Variants in HS6ST3 observed in about 807,000 individuals in gnomAD.
HS6ST3 encodes the protein heparan-sulfate 6-O-sulfotransferase 3.
In HS6ST3, 12 loss-of-function variants were observed where a neutral mutation model predicts 36.7. The ratio of observed to expected loss-of-function variants is 0.33; its 90% confidence interval spans 0.21 to 0.53. The LOEUF (loss-of-function observed/expected upper bound fraction) is 0.53, where lower values mean the gene tolerates loss of function less well. HS6ST3 is among the 20% of genes least tolerant of loss of function. The pLI is 0.95. For synonymous variants in HS6ST3, 240 were observed against 257.5 expected (o/e 0.93, Z 0.65); for missense variants, 584 against 640.9 (o/e 0.91, Z 0.96).
intron 1 of HS6ST3, among the ~76,000 whole-genome samples, chr13:96,523,395 A>G (rs1276833413): frequency 3.3e-5 from 5 of 152,008 alleles, no homozygotes; most frequent in African/African-American, 1.2e-4. Context: ...TATTTCCCGA[A>G]TTTGAATGTT....
intron 1 of HS6ST3, among the ~76,000 whole-genome samples, chr13:96,790,920 C>G (rs527709386): frequency 6.6e-6 from 1 of 152,002 alleles, no homozygotes; most frequent in Non-Finnish European, 1.5e-5. Flanking sequence ...GATGTACCAC[C>G]TCCTATATGT....
At chr13:96,779,995 C>A (rs1877485451) in intron 1 of HS6ST3, among the ~76,000 whole-genome samples, 1 of 151,930 alleles carries the variant, frequency 6.6e-6, no homozygotes, top group South Asian at 2.1e-4. Flanking sequence ...GTGAGTAGAG[C>A]AAAGAACTAG....
At chr13:96,662,637 G>A (rs907503886) in intron 1 of HS6ST3, among the ~76,000 whole-genome samples, 2 of 151,902 alleles carry the variant, frequency 1.3e-5, no homozygotes, top group African/African-American at 2.4e-5. Context: ...TCTCATTTCA[G>A]TTAGGATCCA....
At chr13:96,660,881 G>A (rs983951693) in intron 1 of HS6ST3, among the ~76,000 whole-genome samples, 27 of 152,148 alleles carry the variant, frequency 1.8e-4, no homozygotes, top group African/African-American at 6.5e-4. Flanking sequence ...CACCCACAAG[G>A]TGGCTGCCAG....
chr13:96,411,645 GAC>G (rs2055507963), intron 1 of HS6ST3, among the ~76,000 whole-genome samples: 2 of 152,170 alleles, frequency 1.3e-5, no homozygotes, highest in Non-Finnish European at 2.9e-5. Context: ...GTTTTAGAAA[GAC>G]CATTCATTAT....
Position 96,167,503 on chromosome 13 carries a change from C to T in HS6ST3, c.707+75934C>T, listed in dbSNP as rs1010357498. On this transcript the variant is annotated intron_variant, in intron 1 of 1. Coordinates refer to ENST00000376705, the MANE Select transcript of HS6ST3 (RefSeq NM_153456.4). Reference sequence around the variant, plus strand: ...CATCGCCCAAGAATCTCCCATGCAACTCATCTGCTCTAAGTCAAACAGGGC... The same window carrying T: ...CATCGCCCAAGAATCTCCCATGCAATTCATCTGCTCTAAGTCAAACAGGGC... Among the ~76,000 whole-genome samples, 3 of 152,202 alleles carry T rather than the reference C, an allele frequency of 2.0e-5. No individual in the cohort carries two copies. In the East Asian group the frequency reaches 5.8e-4, roughly 29 times the overall value.
chr13:96,597,581 A>G (rs960086003), intron 1 of HS6ST3, among the ~76,000 whole-genome samples: 3 of 151,330 alleles, frequency 2.0e-5, no homozygotes, highest in Non-Finnish European at 4.4e-5. Flanking sequence ...GATTCTGGAT[A>G]TTATTTCTTT....
intron 1 of HS6ST3, among the ~76,000 whole-genome samples, chr13:96,475,959 C>G (rs1466995763): frequency 6.6e-6 from 1 of 152,204 alleles, no homozygotes; most frequent in East Asian, 1.9e-4. Context: ...GAAAAACCAT[C>G]CTGATCCCTC....
Position 96,189,644 on chromosome 13 carries a change from CA to C in HS6ST3, c.707+98076del, listed in dbSNP as rs141035714. 3.8e-3 allele frequency among the ~76,000 whole-genome samples: 573 copies of C among 152,244 alleles called. 6 individuals are homozygous for C. Among genetic ancestry groups the C allele is most frequent in the African/African-American group, 0.013 (545 of 41,524 alleles). On this transcript the variant is annotated intron_variant, in intron 1 of 1. Transcript: ENST00000376705. ...ACTGTCAAATCCCAGTGGCTTACAC[CA>C]GAGAAAAATTGCTTCTTGCTCATGT...
At chr13:96,726,160 T>A (rs1470555920) in intron 1 of HS6ST3, among the ~76,000 whole-genome samples, 1 of 152,208 alleles carries the variant, frequency 6.6e-6, no homozygotes, top group East Asian at 1.9e-4. Flanking sequence ...AATTCAGATA[T>A]ATTAATCTGT....
rs142596755 is a variant in HS6ST3 at position 96,611,875 on chromosome 13, A to G, written c.708-220615A>G. ...GAACAGAACATCCAGGGAACTGGACAAAGTAAGCAGGGGTCATCGAGTGTT... is the reference window on the plus strand; with the variant it reads ...GAACAGAACATCCAGGGAACTGGACGAAGTAAGCAGGGGTCATCGAGTGTT... On this transcript the variant is annotated intron_variant, in intron 1 of 1. Coordinates refer to ENST00000376705, the MANE Select transcript of HS6ST3 (RefSeq NM_153456.4). Among the ~76,000 whole-genome samples, 847 of 152,308 alleles carry G rather than the reference A, an allele frequency of 5.6e-3. 3 individuals carry two copies. The highest frequency in any genetic ancestry group is 9.6e-3 in the Non-Finnish European group (652 of 68,030).
intron 1 of HS6ST3, among the ~76,000 whole-genome samples, chr13:96,768,827 C>A (rs1442890506): frequency 6.6e-6 from 1 of 151,890 alleles, no homozygotes; most frequent in Non-Finnish European, 1.5e-5. Context: ...ATCTAGGTGG[C>A]CCCTTGAGTC....
rs185974349 is a variant in HS6ST3 at position 96,135,975 on chromosome 13, G to A, written c.707+44406G>A. On this transcript the variant is annotated intron_variant, in intron 1 of 1. Coordinates refer to ENST00000376705, the MANE Select transcript of HS6ST3 (RefSeq NM_153456.4). ...TCCCCTGTGCAGCCTGCATTCCACCGGTGGGCTCAGATATTTCTCATAGAT... is the reference window on the plus strand; with the variant it reads ...TCCCCTGTGCAGCCTGCATTCCACCAGTGGGCTCAGATATTTCTCATAGAT... Among the ~76,000 whole-genome samples the A allele has an allele frequency of 2.2e-3, 329 of 152,208 alleles. 4 individuals are homozygous for A. Among genetic ancestry groups the A allele is most frequent in the Non-Finnish European group, 7.2e-4 (49 of 68,026 alleles).
intron 1 of HS6ST3, among the ~76,000 whole-genome samples, chr13:96,223,665 A>G (rs934626607): frequency 5.9e-5 from 9 of 151,324 alleles, no homozygotes; most frequent in Admixed American, 2.6e-4. Context: ...GGGGGGGGGA[A>G]GTTTTTGTCG....
chr13:96,469,200 C>A (rs1024748256), intron 1 of HS6ST3, among the ~76,000 whole-genome samples: 4 of 152,030 alleles, frequency 2.6e-5, no homozygotes, highest in African/African-American at 9.7e-5. Context: ...ATGCAGATTT[C>A]TTTGAAAATG....
At chr13:96,632,226 G>A (rs1048215946) in intron 1 of HS6ST3, among the ~76,000 whole-genome samples, 4 of 152,088 alleles carry the variant, frequency 2.6e-5, no homozygotes, top group Admixed American at 6.5e-5. Flanking sequence ...TGAGGATGCA[G>A]CAAGAAGGAC....
chr13:96,646,340 A>T (rs1430824308), intron 1 of HS6ST3, among the ~76,000 whole-genome samples: 1 of 151,982 alleles, frequency 6.6e-6, no homozygotes, highest in East Asian at 1.9e-4. Flanking sequence ...TGATGCTTCT[A>T]TAATTTTTGC....
chr13:96,289,884 GAA>G (rs1247900323), intron 1 of HS6ST3, among the ~76,000 whole-genome samples: 1 of 152,086 alleles, frequency 6.6e-6, no homozygotes, highest in Non-Finnish European at 1.5e-5. Flanking sequence ...GAGGATTAAA[GAA>G]AGAGAAGCAA....
Position 96,734,027 on chromosome 13 carries a change from A to G in HS6ST3, c.708-98463A>G, listed in dbSNP as rs1457322107. On this transcript the variant is annotated intron_variant, in intron 1 of 1. Coordinates refer to ENST00000376705, the MANE Select transcript of HS6ST3 (RefSeq NM_153456.4). ...GCCAGATTTAGCTTTTTAAACATGC[A>G]CATCAGATCCTGGCCATTTCATTGC... Among the ~76,000 whole-genome samples, 3 of 152,194 alleles carry G rather than the reference A, an allele frequency of 2.0e-5. No homozygotes were observed. The South Asian group carries it at 6.2e-4, about 31-fold the overall frequency.
Sources: gnomAD v4.1 joint callset for allele counts (sites outside exome capture counted in the v4.1 genomes callset) on GRCh38, gnomAD v4.1.1 for gene constraint, MANE v1.5 for transcripts, NCBI Gene and HGNC (gene_info 2026-07-23, HGNC 2026-07-21) for gene names.